Variants in BTNL9 observed in about 807,000 individuals in gnomAD.
The protein encoded by BTNL9 is butyrophilin-like protein 9.
In BTNL9, 45 loss-of-function variants were observed where a neutral mutation model predicts 45.8. The ratio of observed to expected loss-of-function variants is 0.98; its 90% CI spans 0.77 to 1.26. The LOEUF (loss-of-function observed/expected upper bound fraction) is 1.26, where lower values mean the gene tolerates loss of function less well. BTNL9 is among the 50% of genes most tolerant of loss of function. BTNL9 has a pLI of 0.00. For synonymous variants in BTNL9, 346 were observed against 330.8 expected, an observed-to-expected ratio of 1.05 and a Z score of -0.50; for missense variants, 784 against 729.7, an observed-to-expected ratio of 1.07 and a Z score of -0.86.
intron 2 of BTNL9, among the ~76,000 whole-genome samples, chr5:181,046,009 C>T (rs368982521): frequency 2.1e-3 from 117 of 55,104 alleles, no homozygotes; most frequent in Admixed American, 2.7e-3. Flanking sequence ...TCCCCAGCCC[C>T]CAACACCTCC....
intron 2 of BTNL9, among the ~76,000 whole-genome samples, chr5:181,046,245 CCTGTAGTGTT>C (rs1418386726): frequency 1.3e-4 from 18 of 139,098 alleles, no homozygotes; most frequent in African/African-American, 4.6e-4. Flanking sequence ...ATCTCCCCAG[CCTGTAGTGTT>C]CCTCCACCAT....
At chr5:181,058,328 T>C (rs1561988196) in intron 9 of BTNL9, 24 bp from the exon 10 acceptor site, 3 of 1,614,088 alleles carry the variant, frequency 1.9e-6, no homozygotes, top group Non-Finnish European at 2.5e-6. Flanking sequence ...CTGAGCTTTT[T>C]TCCCCTTTTC....
chr5:181,043,966 G>A (rs1561973411), intron 1 of BTNL9, among the ~76,000 whole-genome samples: 2 of 152,214 alleles, frequency 1.3e-5, no homozygotes, highest in Admixed American at 1.3e-4. Flanking sequence ...TGTCAACACG[G>A]CCCCGCTTCG....
chr5:181,059,701 T>A lies in BTNL9; in HGVS notation c.1447T>A (p.Cys483Ser). ...TFHDTFSGAL[C>S]AYFRPRAHDG... ...CCACGACACCTTCTCGGGCGCGCTC[T>A]GTGCGTACTTCAGGCCCAGGGCCCA... Residue 483 changes from cysteine to serine, a missense_variant, in exon 11 of 11, where the codon TGT becomes AGT. By Grantham distance (112) the Cys-to-Ser change is moderately radical. Transcript: ENST00000327705. The A allele has an allele frequency of 6.2e-7, 1 of 1,613,662 alleles. No individual in the cohort carries two copies. The highest frequency in any genetic ancestry group is 8.5e-7 in the Non-Finnish European group (1 of 1,179,964).
intron 3 of BTNL9, 150 bp downstream of exon 3, chr5:181,048,421 A>C: frequency 1.3e-6 from 1 of 761,442 alleles, no homozygotes; most frequent in Non-Finnish European, 2.0e-6. Flanking sequence ...TGAACAAACA[A>C]AACAAACAGT....
intron 1 of BTNL9, among the ~76,000 whole-genome samples, chr5:181,044,213 C>T (rs1464829748): frequency 6.6e-6 from 1 of 152,222 alleles, no homozygotes; most frequent in African/African-American, 2.4e-5. Context: ...TCTGATCCTT[C>T]TGCCTCTGCA....
rs572753945 is a variant in BTNL9, at chr5:181,049,140, A to T, written c.454+869A>T. On this transcript the variant is annotated intron_variant, in intron 3 of 10. Coordinates refer to ENST00000327705, the MANE Select transcript of BTNL9 (RefSeq NM_152547.5). ...GAATTCAAAGTTGGAAAGCTCCCGG[A>T]CAGGGAAATTTGGTAATACTTAAGA... Among the ~76,000 whole-genome samples, 14 of 152,000 alleles carry T rather than the reference A, an allele frequency of 9.2e-5. 1 individual carries two copies. The South Asian group carries it at 2.7e-3, about 29-fold the overall frequency.
rs1761818733 is a variant in BTNL9, at chr5:181,055,285, G to A, written c.908-148G>A. ...TGGGCCTCTTTTTGAGGGCAATGAAGGGGCAAAGAGGAAGCTGTAAAAAAA... is the reference window on the plus strand; with the variant it reads ...TGGGCCTCTTTTTGAGGGCAATGAAAGGGCAAAGAGGAAGCTGTAAAAAAA... On this transcript the variant is annotated intron_variant, in intron 7 of 10. Coordinates refer to ENST00000327705, the MANE Select transcript of BTNL9 (RefSeq NM_152547.5). The surrounding 1 kb of genome is among the most constrained non-coding windows in gnomAD (Gnocchi z 4.4). 6.5e-7 allele frequency: 1 copy of A among 1,528,334 alleles called. No homozygotes were observed. Among genetic ancestry groups the A allele is most frequent in the Non-Finnish European group, 8.7e-7 (1 of 1,143,274 alleles). The allele number at this position is 1,528,334 out of a possible 1,614,324, so 94.7% of individuals were successfully genotyped here.
intron 1 of BTNL9, 63 bp from the exon 2 acceptor site, chr5:181,045,404 G>A (rs376133595): frequency 1.2e-5 from 10 of 849,976 alleles, no homozygotes; most frequent in East Asian, 9.8e-5. Flanking sequence ...CAGGTCTGAT[G>A]GAGTGAGTTC....
Position 181,053,980 on chromosome 5 carries a change from T to G in BTNL9, c.887-259T>G. 1 of 1,532,404 alleles carries G rather than the reference T, an allele frequency of 6.5e-7. No individual in the cohort carries two copies. Among genetic ancestry groups the G allele is most frequent in the Non-Finnish European group, 8.7e-7 (1 of 1,143,696 alleles). The allele number at this position is 1,532,404 out of a possible 1,614,324, so 94.9% of individuals were successfully genotyped here. On this transcript the variant is annotated intron_variant, in intron 6 of 10. Coordinates refer to ENST00000327705, the MANE Select transcript of BTNL9 (RefSeq NM_152547.5). This position sits in a 1 kb window ranked among gnomAD's most constrained non-coding sequence, Gnocchi z 6.5. The stretch of plus-strand genomic sequence containing the variant: ...CGCCGAGCTAATAGATTTGGGAGGC[T>G]CCGACCCTGATTTTCACACTAGCAG...
At chr5:181,059,147 A>C in intron 10 of BTNL9, 90 bp from the exon 11 acceptor site, 1 of 1,408,156 alleles carries the variant, frequency 7.1e-7, no homozygotes, top group South Asian at 1.5e-5. Flanking sequence ...TTATTCCACC[A>C]AGAGAAACGA....
Position 181,059,322 on chromosome 5 carries a change from G to C in BTNL9, c.1068G>C (p.Pro356=). The C allele has an allele frequency of 2.6e-6, 4 of 1,552,458 alleles. No individual in the cohort carries two copies. Among genetic ancestry groups the C allele is most frequent in the Non-Finnish European group, 3.5e-6 (4 of 1,153,634 alleles). Residue 356 remains proline, a synonymous_variant, in exon 11 of 11, where the codon CCG becomes CCC. Coordinates refer to ENST00000327705, the MANE Select transcript of BTNL9 (RefSeq NM_152547.5). ...DGKSVSSRGA[P]PGPAPGHPQR... is the part of the protein sequence containing the mutation. Reference sequence around the variant, plus strand: ...AGAGCGTGTCTTCCCGCGGGGCGCCGCCAGGCCCGGCGCCTGGCCACCCGC... The same window carrying C: ...AGAGCGTGTCTTCCCGCGGGGCGCCCCCAGGCCCGGCGCCTGGCCACCCGC...
chr5:181,055,891 G>A lies in BTNL9; in HGVS notation c.929-98G>A, dbSNP rs753715689. 8 of 1,403,536 alleles carry A rather than the reference G, an allele frequency of 5.7e-6. No individual in the cohort carries two copies. The highest frequency in any genetic ancestry group is 4.6e-5 in the South Asian group (4 of 86,882). 86.9% of individuals were successfully genotyped at this position (1,403,536 alleles called of 1,614,324 possible). A position where few individuals can be genotyped will look rare whatever the true frequency, so the allele number is the denominator to read the frequency against. On this transcript the variant is annotated intron_variant, in intron 8 of 10. Transcript: ENST00000327705. This position sits in a 1 kb window ranked among gnomAD's most constrained non-coding sequence, Gnocchi z 4.4. ...GACCCCTGCTGGCTATGTGGGTGGT[G>A]GGGGGTGCGGGACAGGGTGGGTGCA...
At position 181,050,287 on chromosome 5, in the gene BTNL9, A is replaced by C; in HGVS notation, c.654A>C (p.Arg218=). The C allele has an allele frequency of 6.2e-7, 1 of 1,614,104 alleles. No homozygotes were observed. The highest frequency in any genetic ancestry group is 1.3e-5 in the African/African-American group (1 of 75,036). The change falls in exon 4 of 11, where the codon CGA becomes CGC. Residue 218 remains arginine, a synonymous_variant. Transcript: ENST00000327705. This position sits in a 1 kb window ranked among gnomAD's most constrained non-coding sequence, Gnocchi z 4.9. The stretch of plus-strand genomic sequence containing the variant: ...GTCTGGAAACATCTGTGGTTGTCCG[A>C]GCGGGAGCCCTCAGCAATGTGTCCG... The part of the protein sequence containing the change: ...LFSLETSVVV[R]AGALSNVSVS...
At chr5:181,044,185 C>G (rs948376859) in intron 1 of BTNL9, among the ~76,000 whole-genome samples, 1 of 152,204 alleles carries the variant, frequency 6.6e-6, no homozygotes, top group Non-Finnish European at 1.5e-5. Context: ...ACCTCATTAA[C>G]TCACCCTGCA....
chr5:181,054,552 C>T lies in BTNL9; in HGVS notation c.907+293C>T, dbSNP rs547009709. On this transcript the variant is annotated intron_variant, in intron 7 of 10. Coordinates refer to ENST00000327705, the MANE Select transcript of BTNL9 (RefSeq NM_152547.5). The stretch of plus-strand genomic sequence containing the variant: ...CTCCGGTTCATCTTCTTAAAATATC[C>T]TTTTCTTTTTAATGCAAATGGCACT... 31 of 985,444 alleles carry T rather than the reference C, an allele frequency of 3.1e-5. No homozygotes were observed. In the South Asian group the frequency reaches 1.4e-3, roughly 45 times the overall value. 61.0% of individuals were successfully genotyped at this position (985,444 alleles called of 1,614,324 possible). A position where few individuals can be genotyped will look rare whatever the true frequency, so the allele number is the denominator to read the frequency against.
Position 181,053,584 on chromosome 5 carries a change from A to G in BTNL9, c.886+83A>G. 1.3e-6 allele frequency: 2 copies of G among 1,550,680 alleles called. No homozygotes were observed. Among genetic ancestry groups the G allele is most frequent in the South Asian group, 1.2e-5 (1 of 84,068 alleles). On this transcript the variant is annotated intron_variant, in intron 6 of 10. Transcript: ENST00000327705. This position sits in a 1 kb window ranked among gnomAD's most constrained non-coding sequence, Gnocchi z 6.5. ...TCTAAAGGCTGTGGGTCCCGTTACG[A>G]GGGTTTATTCCAGCGCGAGGTGTCA...
intron 7 of BTNL9, chr5:181,054,802 C>T: frequency 1.0e-6 from 1 of 985,380 alleles, no homozygotes; most frequent in Non-Finnish European, 1.2e-6. Flanking sequence ...GTCTGGCAGT[C>T]TACCTCGCCC....
intron 4 of BTNL9, among the ~76,000 whole-genome samples, chr5:181,052,195 C>G (rs1046215315): frequency 2.0e-5 from 3 of 152,180 alleles, no homozygotes; most frequent in Admixed American, 1.3e-4. Context: ...AAACCACAGT[C>G]CACTGATGTC....
Sources: allele counts gnomAD v4.1 joint callset (sites outside exome capture counted in the v4.1 genomes callset), GRCh38; gene constraint gnomAD v4.1.1; non-coding constraint Gnocchi (gnomAD v3.1); transcripts MANE v1.5; gene names NCBI Gene and HGNC (gene_info 2026-07-23, HGNC 2026-07-21).